The following AP1B1 variants were observed in gnomAD, a reference collection of about 807,000 sequenced individuals.
The protein encoded by AP1B1 is adaptor related protein complex 1 subunit beta 1.
Under a neutral mutation model 104.3 loss-of-function variants are expected in AP1B1, and 36 were observed. The ratio of observed to expected loss-of-function variants is 0.35; its 90% CI spans 0.26 to 0.46. The LOEUF (loss-of-function observed/expected upper bound fraction) is 0.46, where lower values mean the gene tolerates loss of function less well. Ranked by LOEUF, AP1B1 falls within the 20% of genes least tolerant of loss-of-function variation. The pLI is 1.00. For synonymous variants in AP1B1, 504 were observed against 517.5 expected, an observed-to-expected ratio of 0.97 and a Z score of 0.35; for missense variants, 901 against 1,247.9, an observed-to-expected ratio of 0.72 and a Z score of 4.19.
At position 29,330,825 on chromosome 22, in the gene AP1B1, G is replaced by C. The variant is rs1428025315; in HGVS notation, c.2525-116C>G. On this transcript the variant is annotated intron_variant, in intron 19 of 22. Transcript: ENST00000357586. ...CTGTGCCACGTGAAAGCTGACAACA[G>C]GCACTAGCTGCCGCACAGCCCTCCT... 4 of 838,620 alleles carry C rather than the reference G, an allele frequency of 4.8e-6. No individual in the cohort carries two copies. In the East Asian group the frequency reaches 1.1e-4, roughly 22 times the overall value. 51.9% of individuals were successfully genotyped at this position (838,620 alleles called of 1,614,324 possible). A position where few individuals can be genotyped will look rare whatever the true frequency, so the allele number is the denominator to read the frequency against.
intron 16 of AP1B1, among the ~76,000 whole-genome samples, chr22:29,337,256 CA>C (rs1283925726): frequency 2.6e-5 from 4 of 152,214 alleles, no homozygotes; most frequent in Non-Finnish European, 5.9e-5. Context: ...TAGGATTTCT[CA>C]ACCACGAAAT....
At chr22:29,364,890 G>A (rs551808558) in intron 2 of AP1B1, among the ~76,000 whole-genome samples, 5 of 151,770 alleles carry the variant, frequency 3.3e-5, no homozygotes, top group Non-Finnish European at 5.9e-5. Flanking sequence ...TGTATTTTTA[G>A]TAGAGACGGG....
intron 6 of AP1B1, 39 bp from the exon 7 acceptor site, chr22:29,354,910 C>A (rs1471173003): frequency 3.2e-6 from 5 of 1,558,574 alleles, no homozygotes; most frequent in Non-Finnish European, 4.4e-6. Flanking sequence ...ACAGGAAAGA[C>A]AAGGGGAAAC....
intron 20 of AP1B1, 28 bp downstream of exon 20, chr22:29,330,595 G>A (rs368190473): frequency 1.0e-4 from 165 of 1,613,598 alleles, no homozygotes; most frequent in Middle Eastern, 1.7e-4. Context: ...CAGGCGAGGG[G>A]CTGGGGTCGG....
intron 11 of AP1B1, among the ~76,000 whole-genome samples, chr22:29,343,349 T>G (rs1430525024): frequency 6.6e-6 from 1 of 152,168 alleles, no homozygotes; most frequent in African/African-American, 2.4e-5. Flanking sequence ...TGACGGCATC[T>G]CTGGCACCTG....
At chr22:29,377,088 C>T (rs948240228) in intron 1 of AP1B1, among the ~76,000 whole-genome samples, 30 of 148,120 alleles carry the variant, frequency 2.0e-4, no homozygotes, top group Non-Finnish European at 3.1e-4. Context: ...CCCAGCTACT[C>T]GGGAGGCTGA....
chr22:29,331,587 G>A (rs960592581), intron 18 of AP1B1, 54 bp from the exon 19 acceptor site: 2 of 1,601,034 alleles, frequency 1.2e-6, no homozygotes, highest in East Asian at 2.2e-5. Context: ...CACCTCTGAG[G>A]CCCCAGGAAG....
chr22:29,341,406 T>C lies in AP1B1; in HGVS notation c.1796+95A>G, dbSNP rs1025342385. 4.7e-6 allele frequency: 7 copies of C among 1,493,704 alleles called. No homozygotes were observed. The African/African-American group carries it at 9.7e-5, about 21-fold the overall frequency. 92.5% of individuals were successfully genotyped at this position (1,493,704 alleles called of 1,614,324 possible). On this transcript the variant is annotated intron_variant, in intron 13 of 22. Transcript: ENST00000357586. Reference sequence around the variant, plus strand: ...TGTCAGTTTTCCTCAGACTCAGGTCTTGCTGGGGGACAACACGCCAGGCCT... The same window carrying C: ...TGTCAGTTTTCCTCAGACTCAGGTCCTGCTGGGGGACAACACGCCAGGCCT...
At chr22:29,374,091 C>T (rs2062291928) in intron 1 of AP1B1, among the ~76,000 whole-genome samples, 1 of 150,536 alleles carries the variant, frequency 6.6e-6, no homozygotes, top group Non-Finnish European at 1.5e-5. Context: ...ATCACAGCTA[C>T]TTGGGAGGCT....
chr22:29,342,271 G>T lies in AP1B1; in HGVS notation c.1536+14C>A. 1 of 1,609,832 alleles carries T rather than the reference G, an allele frequency of 6.2e-7. No homozygotes were observed. The highest frequency in any genetic ancestry group is 8.5e-7 in the Non-Finnish European group (1 of 1,176,696). The stretch of plus-strand genomic sequence containing the variant: ...GGGCTATGCTGGGCACAGCGGGGAG[G>T]TTGGGGCACCCACCTGAGTGGCCAA... On this transcript the variant is annotated intron_variant, in intron 12 of 22. Transcript: ENST00000357586.
At position 29,334,295 on chromosome 22, in the gene AP1B1, G is replaced by A; in HGVS notation, c.2279C>T (p.Thr760Ile). ...GCGGTTGAACTGGATGGCAAAGTCGGTCATGACCTGCAAGGCCTTGTTGGT... is the reference window on the plus strand; with the variant it reads ...GCGGTTGAACTGGATGGCAAAGTCGATCATGACCTGCAAGGCCTTGTTGGT... ...QLTNKALQVM[T>I]DFAIQFNRNS... The change falls in exon 17 of 23, where the codon ACC becomes ATC. Residue 760 changes from threonine (T) to isoleucine (I), a missense_variant. Physicochemically the swap from Thr to Ile is moderately conservative, Grantham distance 89. Coordinates refer to ENST00000357586, the MANE Select transcript of AP1B1 (RefSeq NM_001127.4). 6.2e-7 allele frequency: 1 copy of A among 1,607,202 alleles called. No individual in the cohort carries two copies. The highest frequency in any genetic ancestry group is 8.5e-7 in the Non-Finnish European group (1 of 1,177,778).
At chr22:29,333,997 G>C (rs1414302863) in intron 17 of AP1B1, among the ~76,000 whole-genome samples, 1 of 152,188 alleles carries the variant, frequency 6.6e-6, no homozygotes, top group East Asian at 1.9e-4. Context: ...CCCAGGAGGT[G>C]GAGGCCGCAG....
At chr22:29,339,870 A>G in intron 14 of AP1B1, 96 bp from the exon 15 acceptor site, 1 of 1,356,034 alleles carries the variant, frequency 7.4e-7, no homozygotes, top group Non-Finnish European at 1.0e-6. Flanking sequence ...GAGAAGGGAA[A>G]GAGGGAGATT....
At chr22:29,371,465 C>T (rs1269438869) in intron 1 of AP1B1, among the ~76,000 whole-genome samples, 3 of 152,192 alleles carry the variant, frequency 2.0e-5, no homozygotes, top group East Asian at 3.8e-4. Context: ...GGCGCGGTGG[C>T]TTATGCCTGT....
intron 1 of AP1B1, among the ~76,000 whole-genome samples, chr22:29,372,221 G>C (rs1411064460): frequency 6.6e-6 from 1 of 151,950 alleles, no homozygotes; most frequent in East Asian, 1.9e-4. Flanking sequence ...TCAGGAGTTC[G>C]AGACCAGCCT....
intron 11 of AP1B1, among the ~76,000 whole-genome samples, chr22:29,348,217 T>G (rs1292946680): frequency 2.6e-5 from 4 of 152,248 alleles, no homozygotes; most frequent in Admixed American, 6.5e-5. Flanking sequence ...CATTTGCAAA[T>G]ACGTGCAGAA....
Position 29,328,048 on chromosome 22 carries a change from G to C in AP1B1, c.*773C>G, listed in dbSNP as rs2061504376. 6.5e-6 allele frequency: 1 copy of C among 152,876 alleles called. No homozygotes were observed. Among genetic ancestry groups the C allele is most frequent in the Admixed American group, 6.5e-5 (1 of 15,292 alleles). 9.5% of individuals were successfully genotyped at this position (152,876 alleles called of 1,614,324 possible). On this transcript the variant is annotated 3_prime_UTR_variant, in exon 23 of 23. Transcript: ENST00000357586. This position sits in a 1 kb window ranked among gnomAD's most constrained non-coding sequence, Gnocchi z 4.1. ...TCTCGGCCCAGTCTTTGTGGCAGGA[G>C]GCCTGGGCTCAGAGGCGACACTGAG...
At chr22:29,336,355 G>A (rs1268765885) in intron 16 of AP1B1, among the ~76,000 whole-genome samples, 1 of 152,192 alleles carries the variant, frequency 6.6e-6, no homozygotes, top group East Asian at 1.9e-4. Context: ...AGGCAGTGGG[G>A]AAAGTCCTGC....
intron 1 of AP1B1, among the ~76,000 whole-genome samples, chr22:29,369,823 C>T (rs571039104): frequency 6.0e-5 from 9 of 150,998 alleles, no homozygotes; most frequent in South Asian, 4.2e-4. Flanking sequence ...AGGAATTTAC[C>T]GACATTAAAA....
Sources: allele counts gnomAD v4.1 joint callset (sites outside exome capture counted in the v4.1 genomes callset), GRCh38; gene constraint gnomAD v4.1.1; non-coding constraint Gnocchi (gnomAD v3.1); transcripts MANE v1.5; gene names NCBI Gene and HGNC (gene_info 2026-07-23, HGNC 2026-07-21).